The following POLR1C variants were observed in gnomAD, a reference collection of about 807,000 sequenced individuals.
POLR1C encodes the protein RNA polymerase I and III subunit C.
POLR1C carries 42 observed loss-of-function variants against 38.3 expected under a neutral mutation model. That is an observed-to-expected ratio of 1.10 (90% CI 0.86 to 1.42). POLR1C has a LOEUF of 1.42. Ranked by LOEUF, POLR1C falls within the 40% of genes most tolerant of loss-of-function variation. The pLI, the probability that POLR1C is intolerant of heterozygous loss-of-function variation, is 0.00. For synonymous variants in POLR1C, 163 were observed against 163.9 expected (o/e 0.99, Z 0.04); for missense variants, 507 against 450.5 (o/e 1.13, Z -1.14).
At chr6:43,552,418 T>C (rs776363067) in intron 10 of POLR1C, among the ~76,000 whole-genome samples, 14 of 151,982 alleles carry the variant, frequency 9.2e-5, no homozygotes, top group Admixed American at 3.9e-4. Flanking sequence ...ACTGGCGTGA[T>C]TTTGGCTCAC....
At chr6:43,530,643 A>G (rs115112548), downstream of POLR1C, 60,810 of 1,601,110 alleles carry the variant, frequency 0.038, 1,627 homozygotes, top group African/African-American at 0.11. Flanking sequence ...TTCTCTCTCT[A>G]ATTTTCTGAC....
Position 43,520,437 on chromosome 6 carries a change from C to G in POLR1C, c.655+10C>G, listed in dbSNP as rs1793093082. The G allele has an allele frequency of 3.1e-6, 5 of 1,613,126 alleles. No homozygotes were observed. The highest frequency in any genetic ancestry group is 1.3e-5 in the African/African-American group (1 of 74,920). On this transcript the variant is annotated intron_variant, in intron 6 of 8. Coordinates refer to ENST00000642195, the MANE Select transcript of POLR1C (RefSeq NM_203290.4). ...TGTGTCAAGGGCATTGGTGAGAACC[C>G]TGTGTGCCTTCCTGGGAAGGGGGAT... is the stretch of plus-strand genomic sequence containing the variant.
In POLR1C at chr6:43,540,370, T is replaced by C. The variant is rs1466017804; in HGVS notation, c.*5-10598T>C. Among the ~76,000 whole-genome samples, 3 of 152,166 alleles carry C rather than the reference T, an allele frequency of 2.0e-5. No homozygotes were observed. The East Asian group carries it at 5.8e-4, about 29-fold the overall frequency. ...GGCGGGCACCTGTAGTCCCAGCTAC[T>C]TGGGAGGCTGAAGCAGGAGAATGCC... is the stretch of plus-strand genomic sequence containing the variant. On this transcript the variant is annotated intron_variant, in intron 9 of 10. Coordinates refer to the POLR1C transcript ENST00000607635.
chr6:43,540,987 A>C (rs1473294060), intron 9 of POLR1C, among the ~76,000 whole-genome samples: 3 of 152,210 alleles, frequency 2.0e-5, no homozygotes, highest in Admixed American at 6.5e-5. Context: ...ATGCTAAATG[A>C]AATAAGCCAG....
downstream of POLR1C, chr6:43,533,728 G>A (rs990561090): frequency 2.1e-5 from 8 of 374,432 alleles, no homozygotes; most frequent in South Asian, 1.1e-4. Flanking sequence ...CCAACTACTC[G>A]GGAGGCTGAG....
At chr6:43,535,958 A>G (rs1449717203) in intron 9 of POLR1C, among the ~76,000 whole-genome samples, 1 of 151,852 alleles carries the variant, frequency 6.6e-6, no homozygotes, top group Non-Finnish European at 1.5e-5. Context: ...CCCTGTCTCT[A>G]CTAAAAATAT....
chr6:43,551,678 C>T (rs1795235357), intron 10 of POLR1C, among the ~76,000 whole-genome samples: 1 of 152,150 alleles, frequency 6.6e-6, no homozygotes, highest in Non-Finnish European at 1.5e-5. Context: ...GCGGGCACCA[C>T]CATGCCTGGA....
chr6:43,534,091 C>T, downstream of POLR1C: 13 of 985,732 alleles, frequency 1.3e-5, no homozygotes, highest in South Asian at 5.2e-5. Flanking sequence ...AGTGATACTA[C>T]AGTTTCACAC....
downstream of POLR1C, chr6:43,530,827 G>GT (rs753561999): frequency 2.2e-5 from 36 of 1,606,302 alleles, no homozygotes; most frequent in Non-Finnish European, 3.1e-5. Context: ...TATGAAAACT[G>GT]TAAAGGGGAA....
chr6:43,543,696 G>A (rs1794820775), intron 9 of POLR1C, among the ~76,000 whole-genome samples: 1 of 150,542 alleles, frequency 6.6e-6, no homozygotes. Context: ...TTTTTGAGAC[G>A]GAGTCTTCCC....
Position 43,517,174 on chromosome 6 carries a change from G to A in POLR1C, c.65G>A (p.Arg22His), listed in dbSNP as rs149529196. The A allele has an allele frequency of 1.9e-4, 301 of 1,613,952 alleles. 1 individual carries two copies. Among genetic ancestry groups the A allele is most frequent in the Middle Eastern group, 6.6e-4 (4 of 6,084 alleles). Residue 22 changes from arginine to histidine, a missense_variant, in exon 1 of 9, where the codon CGC (arginine) becomes CAC (histidine). Physicochemically the swap from Arg to His is conservative, Grantham distance 29. Transcript: ENST00000642195. ...GTGGTTCTGGGGGAGTTTGGGGTTC[G>A]CAATGTAAGCCTTGTGGCCTTGAGC... ...SRVVLGEFGVRNVHTTDFPGN... is the reference protein window; with the variant it reads ...SRVVLGEFGVHNVHTTDFPGN...
At chr6:43,533,871 G>A, downstream of POLR1C, 1 of 1,501,674 alleles carries the variant, frequency 6.7e-7, no homozygotes, top group Non-Finnish European at 9.1e-7. Context: ...TTAGGGATAA[G>A]ATAAACCTTA....
In POLR1C at chr6:43,555,763, A is replaced by T. The variant is rs534610092; in HGVS notation, c.*48+4752A>T. 1.7e-4 allele frequency: 268 copies of T among 1,582,880 alleles called. No homozygotes were observed. The African/African-American group carries it at 3.4e-3, about 20-fold the overall frequency. On this transcript the variant is annotated intron_variant, in intron 10 of 10. Coordinates refer to the POLR1C transcript ENST00000607635. ...TATCGTTCTGATGTGTGTATAGCTC[A>T]GGCTCATTTCCTATATATAGTTTTG...
At chr6:43,546,411 T>G (rs1794966254) in intron 9 of POLR1C, among the ~76,000 whole-genome samples, 1 of 152,194 alleles carries the variant, frequency 6.6e-6, no homozygotes, top group Non-Finnish European at 1.5e-5. Context: ...AGAGCTGATG[T>G]TATTTTTTTT....
At chr6:43,518,754 G>T (rs917650493) in intron 2 of POLR1C, among the ~76,000 whole-genome samples, 3 of 152,192 alleles carry the variant, frequency 2.0e-5, no homozygotes, top group African/African-American at 7.2e-5. Context: ...CGCGATCTTG[G>T]CTCACTGCAA....
At chr6:43,527,508 G>A (rs1208553050) in intron 8 of POLR1C, 8 of 881,530 alleles carry the variant, frequency 9.1e-6, no homozygotes, top group South Asian at 3.3e-5. Context: ...TTTTGACCTC[G>A]CAATCCACCA....
At chr6:43,541,032 G>A (rs898304599) in intron 9 of POLR1C, among the ~76,000 whole-genome samples, 7 of 152,070 alleles carry the variant, frequency 4.6e-5, no homozygotes, top group Non-Finnish European at 1.0e-4. Context: ...CTCACTCTTT[G>A]TGGAATCTAA....
chr6:43,546,845 G>T, intron 9 of POLR1C: 1 of 1,214,216 alleles, frequency 8.2e-7, no homozygotes, highest in Non-Finnish European at 1.1e-6. Context: ...TGGCAAAAGT[G>T]ACACAGAGGC....
At chr6:43,543,311 G>C (rs1041259255) in intron 9 of POLR1C, among the ~76,000 whole-genome samples, 7 of 152,046 alleles carry the variant, frequency 4.6e-5, no homozygotes, top group Admixed American at 3.9e-4. Context: ...AAATTAGCTG[G>C]GCATGGCTGC....
Sources: gnomAD v4.1 joint callset for allele counts (sites outside exome capture counted in the v4.1 genomes callset) on GRCh38, gnomAD v4.1.1 for gene constraint, MANE v1.5 for transcripts, NCBI Gene and HGNC (gene_info 2026-07-23, HGNC 2026-07-21) for gene names.